CACNA2D3: variants seen among roughly 807,000 people sequenced by gnomAD.
CACNA2D3 encodes calcium voltage-gated channel auxiliary subunit alpha2delta 3.
In CACNA2D3, 60 loss-of-function variants were observed where a neutral mutation model predicts 160.6. The ratio of observed to expected loss-of-function variants is 0.37; its 90% confidence interval spans 0.30 to 0.46. The LOEUF is 0.46. CACNA2D3 is among the 20% of genes least tolerant of loss of function. CACNA2D3 has a pLI of 1.00. For missense variants in CACNA2D3, 1,205 were observed against 1,365.0 expected (o/e 0.88, Z 1.85); for synonymous variants, 558 against 492.9 (o/e 1.13, Z -1.75).
chr3:54,724,111 T>TG (rs1317118217), intron 11 of CACNA2D3, among the ~76,000 whole-genome samples: 3 of 152,158 alleles, frequency 2.0e-5, no homozygotes, highest in African/African-American at 7.2e-5. Flanking sequence ...TGGCAGGAGT[T>TG]GCAATCCTAA....
At chr3:54,938,151 G>A (rs1027200216) in intron 27 of CACNA2D3, among the ~76,000 whole-genome samples, 1 of 152,210 alleles carries the variant, frequency 6.6e-6, no homozygotes. Context: ...TGGCAGAGTT[G>A]CATTCTCACC....
chr3:54,571,027 C>T (rs1702487882), intron 8 of CACNA2D3, among the ~76,000 whole-genome samples: 1 of 152,160 alleles, frequency 6.6e-6, no homozygotes, highest in Non-Finnish European at 1.5e-5. Flanking sequence ...TTTAGGGAGA[C>T]ATGAGACTTC....
At chr3:55,013,321 C>T (rs1272209700) in intron 34 of CACNA2D3, among the ~76,000 whole-genome samples, 1 of 152,176 alleles carries the variant, frequency 6.6e-6, no homozygotes, top group African/African-American at 2.4e-5. Flanking sequence ...ATGACGACAG[C>T]GAGAGCTGCA....
chr3:54,889,221 G>T (rs1280804317), intron 24 of CACNA2D3, among the ~76,000 whole-genome samples: 1 of 152,188 alleles, frequency 6.6e-6, no homozygotes, highest in Non-Finnish European at 1.5e-5. Context: ...AAGGATTTTG[G>T]ATTTTATACT....
intron 14 of CACNA2D3, among the ~76,000 whole-genome samples, chr3:54,821,564 T>C (rs1200757955): frequency 1.3e-5 from 2 of 152,230 alleles, no homozygotes; most frequent in Non-Finnish European, 2.9e-5. Flanking sequence ...CTGAATCTAT[T>C]TGCATTTTCT....
At chr3:54,726,303 G>A (rs1701275836) in intron 11 of CACNA2D3, among the ~76,000 whole-genome samples, 1 of 152,194 alleles carries the variant, frequency 6.6e-6, no homozygotes, top group Non-Finnish European at 1.5e-5. Flanking sequence ...TCATGGTTAG[G>A]AAGAATCAAT....
rs745915831 is a variant in CACNA2D3 at position 54,263,983 on chromosome 3, T to C, written c.205-56459T>C. On this transcript the variant is annotated intron_variant, in intron 2 of 37. Coordinates refer to ENST00000474759, the MANE Select transcript of CACNA2D3 (RefSeq NM_018398.3). ...CCATTAGCATGGTTGGAGGAAAATA[T>C]GCCATCTTGTAGTGACAATGTTGCC... Among the ~76,000 whole-genome samples, 50 of 152,316 alleles carry C rather than the reference T, an allele frequency of 3.3e-4. 1 individual carries two copies. The highest frequency in any genetic ancestry group is 3.4e-3 in the Middle Eastern group (1 of 294).
rs566004977 is a variant in CACNA2D3 at position 54,937,763 on chromosome 3, G to A, written c.2450-30687G>A. ...GCCATTCCAGGTAAAGGCATGGCAT[G>A]TGTTACGCTGAGAGGCCAGTGAGAT... On this transcript the variant is annotated intron_variant, in intron 27 of 37. Coordinates refer to ENST00000474759, the MANE Select transcript of CACNA2D3 (RefSeq NM_018398.3). Among the ~76,000 whole-genome samples the A allele has an allele frequency of 4.9e-4, 75 of 152,140 alleles. 1 individual carries two copies. Among genetic ancestry groups the A allele is most frequent in the Non-Finnish European group, 4.9e-4 (33 of 68,012 alleles).
chr3:55,074,128 G>A lies in CACNA2D3; in HGVS notation c.3198G>A (p.Glu1066=). 1 of 1,613,758 alleles carries A rather than the reference G, an allele frequency of 6.2e-7. No individual in the cohort carries two copies. The highest frequency in any genetic ancestry group is 8.5e-7 in the Non-Finnish European group (1 of 1,179,698). Residue 1066 remains glutamate (E), a synonymous_variant, in exon 38 of 38, where the codon GAG becomes GAA. Coordinates refer to ENST00000474759, the MANE Select transcript of CACNA2D3 (RefSeq NM_018398.3). ...TTTCCCCATAGGAGAATGCAAGGGA[G>A]TGTGGGGGTGCGCCGAGTCTCCAAG... ...HGFHPEENAR[E]CGGAPSLQAQ... is the part of the protein sequence containing the mutation.
chr3:54,877,661 A>G (rs1388757545), intron 18 of CACNA2D3, among the ~76,000 whole-genome samples: 1 of 152,188 alleles, frequency 6.6e-6, no homozygotes, highest in Non-Finnish European at 1.5e-5. Flanking sequence ...GACAAGGGCA[A>G]GACTAAAGGA....
At position 54,736,074 on chromosome 3, in the gene CACNA2D3, C is replaced by CGT. The variant is rs1559563668; in HGVS notation, c.1168-16525_1168-16524insGT. Among the ~76,000 whole-genome samples, 62 of 29,478 alleles carry CGT rather than the reference C, an allele frequency of 2.1e-3. 1 individual carries two copies. The highest frequency in any genetic ancestry group is 7.3e-3 in the African/African-American group (62 of 8,490). The allele number at this position is 29,478 out of a possible 152,430, so 19.3% of individuals were successfully genotyped here. ...ATACATATGTATGTATATATATATA[C>CGT]ATATATATGTATGTGTATATATATA... On this transcript the variant is annotated intron_variant, in intron 11 of 37. Transcript: ENST00000474759.
chr3:54,275,233 G>A (rs1702709523), intron 2 of CACNA2D3, among the ~76,000 whole-genome samples: 1 of 152,186 alleles, frequency 6.6e-6, no homozygotes, highest in African/African-American at 2.4e-5. Flanking sequence ...GGCAGCCTCT[G>A]CCCCGGCCCA....
At chr3:54,426,568 A>G (rs1575448503) in intron 4 of CACNA2D3, among the ~76,000 whole-genome samples, 1 of 152,224 alleles carries the variant, frequency 6.6e-6, no homozygotes, top group South Asian at 2.1e-4. Context: ...GGCAATATTA[A>G]TGATAGTGTT....
intron 4 of CACNA2D3, among the ~76,000 whole-genome samples, chr3:54,494,716 A>G (rs1467669968): frequency 1.3e-5 from 2 of 152,222 alleles, no homozygotes; most frequent in Non-Finnish European, 2.9e-5. Context: ...TGGGTAATTT[A>G]TAAAGGAAAG....
At chr3:54,611,818 T>G (rs1698754478) in intron 9 of CACNA2D3, among the ~76,000 whole-genome samples, 1 of 152,224 alleles carries the variant, frequency 6.6e-6, no homozygotes, top group Non-Finnish European at 1.5e-5. Flanking sequence ...TCAGTGCCTA[T>G]TCCAGAATCG....
chr3:54,518,492 GC>G (rs1278438030), intron 5 of CACNA2D3, among the ~76,000 whole-genome samples: 2 of 152,170 alleles, frequency 1.3e-5, no homozygotes, highest in Non-Finnish European at 2.9e-5. Context: ...TCTTCTTCAT[GC>G]ACCCAGCACC....
At chr3:54,265,008 A>G (rs1157637975) in intron 2 of CACNA2D3, among the ~76,000 whole-genome samples, 1 of 152,216 alleles carries the variant, frequency 6.6e-6, no homozygotes, top group African/African-American at 2.4e-5. Flanking sequence ...GATTGGTTCC[A>G]AATCTTTGCT....
At chr3:54,863,362 T>C (rs1460398641) in intron 17 of CACNA2D3, among the ~76,000 whole-genome samples, 8 of 152,310 alleles carry the variant, frequency 5.3e-5, no homozygotes. Flanking sequence ...CATTCTTTTC[T>C]CAGCGTTACT....
At chr3:54,390,913 T>C (rs1197016944) in intron 4 of CACNA2D3, among the ~76,000 whole-genome samples, 1 of 152,098 alleles carries the variant, frequency 6.6e-6, no homozygotes, top group Non-Finnish European at 1.5e-5. Flanking sequence ...AATTTCAGAC[T>C]ACCATCTGCT....
Sources: allele counts gnomAD v4.1 joint callset (sites outside exome capture counted in the v4.1 genomes callset), GRCh38; gene constraint gnomAD v4.1.1; transcripts MANE v1.5; gene names NCBI Gene and HGNC (gene_info 2026-07-23, HGNC 2026-07-21).